KCNG1: variants seen among roughly 807,000 people sequenced by gnomAD.
The protein encoded by KCNG1 is potassium voltage-gated channel modifier subfamily G member 1, also known as voltage-gated potassium channel regulatory subunit KCNG1.
Under a neutral mutation model 32.4 loss-of-function variants are expected in KCNG1, and 17 were observed. That is an observed-to-expected ratio of 0.52 (90% CI 0.36 to 0.79). KCNG1 has a LOEUF of 0.79. KCNG1 is among the 30% of genes least tolerant of loss of function. The probability of loss-of-function intolerance (pLI) is 0.00; values close to 1 mark genes in which losing one functional copy is unlikely to be tolerated. For synonymous variants in KCNG1, 358 were observed against 339.9 expected (o/e 1.05, Z -0.59); for missense variants, 441 against 735.2 (o/e 0.60, Z 4.63).
intron 2 of KCNG1, among the ~76,000 whole-genome samples, chr20:51,008,501 A>ATT (rs35145288): frequency 0.012 from 1,874 of 149,994 alleles, 19 homozygotes; most frequent in African/African-American, 0.025. Context: ...GGCTAATTAA[A>ATT]TTTTTTTTTT....
At chr20:51,013,535 G>A (rs1988171629) in intron 1 of KCNG1, among the ~76,000 whole-genome samples, 1 of 152,036 alleles carries the variant, frequency 6.6e-6, no homozygotes, top group African/African-American at 2.4e-5. Flanking sequence ...GGAAGGGGAG[G>A]GAGGGTGTTT....
Position 51,021,148 on chromosome 20 carries a change from C to T in KCNG1, c.-27+1722G>A, listed in dbSNP as rs1988466316. Reference sequence around the variant, plus strand: ...GTCTCAGGAGAAGAACCTAGGTTGCCTCGTTTCCAGTGTGCTTGCAGTTCC... The same window carrying T: ...GTCTCAGGAGAAGAACCTAGGTTGCTTCGTTTCCAGTGTGCTTGCAGTTCC... On this transcript the variant is annotated intron_variant, in intron 1 of 2. Coordinates refer to ENST00000371571, the MANE Select transcript of KCNG1 (RefSeq NM_002237.4). 5.9e-5 allele frequency among the ~76,000 whole-genome samples: 9 copies of T among 152,354 alleles called. No homozygotes were observed. The South Asian group carries it at 1.9e-3, about 32-fold the overall frequency.
rs1568798962 is a variant in KCNG1, at chr20:51,009,722, A to G, written c.617T>C (p.Leu206Pro). The change falls in exon 2 of 3, where the codon CTG (leucine) becomes CCG (proline). Residue 206 changes from leucine (L) to proline (P), a missense_variant. Physicochemically the swap from Leu to Pro is moderately conservative, Grantham distance 98 (BLOSUM62 -3). Around this residue, in one of 6 missense-constraint regions of KCNG1, gnomAD observed 52 missense variants for 50.3 expected, o/e 1.03. Coordinates refer to ENST00000371571, the MANE Select transcript of KCNG1 (RefSeq NM_002237.4). ...SEGPAEGEGR[L>P]GRCMRRLRDM... ...GCGCAGTCGCCGCATGCAGCGCCCC[A>G]GGCGGCCCTCGCCCTCGGCCGGGCC... 1.3e-5 allele frequency: 21 copies of G among 1,605,312 alleles called. No individual in the cohort carries two copies. The highest frequency in any genetic ancestry group is 3.3e-4 in the Middle Eastern group (2 of 6,044).
rs1988015843 is a variant in KCNG1 at position 51,010,164 on chromosome 20, C to T, written c.175G>A (p.Glu59Lys). The change falls in exon 2 of 3, where the codon GAG becomes AAG. Residue 59 changes from glutamate to lysine, a missense_variant. By Grantham distance (56) the Glu-to-Lys change is moderately conservative. Coordinates refer to ENST00000371571, the MANE Select transcript of KCNG1 (RefSeq NM_002237.4). ...QDEPRQGCQP[E>K]DRRRRIIINV... ...ATGATGATCCGACGGCGGCGGTCCTCGGGCTGACAGCCCTGGCGGGGCTCA... is the reference window on the plus strand; with the variant it reads ...ATGATGATCCGACGGCGGCGGTCCTTGGGCTGACAGCCCTGGCGGGGCTCA... 1 of 1,608,762 alleles carries T rather than the reference C, an allele frequency of 6.2e-7. No homozygotes were observed. The highest frequency in any genetic ancestry group is 1.3e-5 in the African/African-American group (1 of 74,902).
chr20:51,022,306 C>T (rs1488142262), intron 1 of KCNG1, among the ~76,000 whole-genome samples: 2 of 152,220 alleles, frequency 1.3e-5, no homozygotes, highest in African/African-American at 4.8e-5. Flanking sequence ...AGGCTGAGAC[C>T]ACCACCTTCC....
intron 2 of KCNG1, chr20:51,006,021 C>G (rs1486010093): frequency 1.3e-5 from 2 of 151,994 alleles, no homozygotes; most frequent in Non-Finnish European, 2.9e-5. Flanking sequence ...GCCTCCCATA[C>G]AGAACCTCCT....
Position 51,006,495 on chromosome 20 carries a change from C to T in KCNG1, c.775-1689G>A, listed in dbSNP as rs1987831012. The T allele has an allele frequency of 2.0e-5, 3 of 152,192 alleles. No homozygotes were observed. In the South Asian group the frequency reaches 6.2e-4, roughly 32 times the overall value. 9.4% of individuals were successfully genotyped at this position (152,192 alleles called of 1,614,324 possible). ...CTTAAGAGAGGACTTTCTGCACATTCACTATGCATCGCTTCTAATCCCTTC... is the reference window on the plus strand; with the variant it reads ...CTTAAGAGAGGACTTTCTGCACATTTACTATGCATCGCTTCTAATCCCTTC... On this transcript the variant is annotated intron_variant, in intron 2 of 2. Transcript: ENST00000371571.
At chr20:51,008,311 A>G (rs1195526866) in intron 2 of KCNG1, among the ~76,000 whole-genome samples, 1 of 152,012 alleles carries the variant, frequency 6.6e-6, no homozygotes, top group Non-Finnish European at 1.5e-5. Flanking sequence ...GAGGGGAGGG[A>G]CCCAACCTCA....
Position 51,009,945 on chromosome 20 carries a change from G to A in KCNG1, c.394C>T (p.Arg132Cys), listed in dbSNP as rs1386260978. 6.2e-7 allele frequency: 1 copy of A among 1,613,868 alleles called. No individual in the cohort carries two copies. The highest frequency in any genetic ancestry group is 8.5e-7 in the Non-Finnish European group (1 of 1,179,970). The change falls in exon 2 of 3, where the codon CGC becomes TGC. Residue 132 changes from arginine to cysteine, a missense_variant. Physicochemically the swap from Arg to Cys is radical, Grantham distance 180 (BLOSUM62 -3). Around this residue, in one of 6 missense-constraint regions of KCNG1, gnomAD observed 70 missense variants for 158.4 expected, o/e 0.44. Transcript: ENST00000371571. ...CGCAGCAGCCGCAGCTTGCCCGCGC[G>A]CAGGAAGGTCAGGATAGTGCCGAAG... is the stretch of plus-strand genomic sequence containing the variant. ...GAFGTILTFLRAGKLRLLREM... is the reference protein window; with the variant it reads ...GAFGTILTFLCAGKLRLLREM...
At position 51,019,667 on chromosome 20, in the gene KCNG1, C is replaced by T. The variant is rs566005561; in HGVS notation, c.-27+3203G>A. Among the ~76,000 whole-genome samples the T allele has an allele frequency of 2.4e-4, 37 of 152,256 alleles. No individual in the cohort carries two copies. The South Asian group carries it at 7.3e-3, about 30-fold the overall frequency. On this transcript the variant is annotated intron_variant, in intron 1 of 2. Coordinates refer to ENST00000371571, the MANE Select transcript of KCNG1 (RefSeq NM_002237.4). ...TCTGCAGGCTTTGGTTTCTCTCTCT[C>T]GTACCATGCCTCTCAACCTGTGCCA...
At chr20:51,008,924 G>A (rs1260041861) in intron 2 of KCNG1, among the ~76,000 whole-genome samples, 1 of 152,192 alleles carries the variant, frequency 6.6e-6, no homozygotes, top group Non-Finnish European at 1.5e-5. Flanking sequence ...GAGATAAGAC[G>A]TAGTTGGCAC....
chr20:51,020,881 C>A (rs1988456729), intron 1 of KCNG1, among the ~76,000 whole-genome samples: 1 of 152,174 alleles, frequency 6.6e-6, no homozygotes. Context: ...CAGAGCCCAG[C>A]TGTGGGTCTG....
intron 1 of KCNG1, chr20:51,012,524 CATG>C (rs1988132085): frequency 6.6e-6 from 1 of 152,228 alleles, no homozygotes; most frequent in Non-Finnish European, 1.5e-5. Context: ...ACGAGACCAA[CATG>C]ATAAGGCGAC....
chr20:51,018,187 C>A (rs545776209), intron 1 of KCNG1, among the ~76,000 whole-genome samples: 1 of 152,284 alleles, frequency 6.6e-6, no homozygotes, highest in East Asian at 1.9e-4. Context: ...AAGGTCCAAG[C>A]CAGGCATGGC....
chr20:51,010,407 G>A, intron 1 of KCNG1, 43 bp from the exon 2 acceptor site: 1 of 1,287,404 alleles, frequency 7.8e-7, no homozygotes, highest in South Asian at 1.5e-5. Context: ...ACCACCCCTA[G>A]CTTCACCTTG....
intron 1 of KCNG1, among the ~76,000 whole-genome samples, chr20:51,021,622 C>A (rs536079411): frequency 3.0e-4 from 46 of 152,282 alleles, no homozygotes; most frequent in African/African-American, 1.1e-3. Flanking sequence ...CTCTTACTTC[C>A]CCCTGTACTT....
chr20:51,019,677 C>T (rs1988400903), intron 1 of KCNG1, among the ~76,000 whole-genome samples: 1 of 152,060 alleles, frequency 6.6e-6, no homozygotes. Context: ...CGTACCATGC[C>T]TCTCAACCTG....
chr20:51,009,657 C>A lies in KCNG1; in HGVS notation c.682G>T (p.Val228Leu). The A allele has an allele frequency of 1.2e-6, 2 of 1,605,738 alleles. No individual in the cohort carries two copies. Among genetic ancestry groups the A allele is most frequent in the Non-Finnish European group, 1.7e-6 (2 of 1,179,060 alleles). ...ERPHSGLPGK[V>L]FACLSVLFVT... ...AAGAGCACCGACAGGCAGGCGAACACCTTGCCAGGCAGCCCCGAGTGCGGC... is the reference window on the plus strand; with the variant it reads ...AAGAGCACCGACAGGCAGGCGAACAACTTGCCAGGCAGCCCCGAGTGCGGC... Residue 228 changes from valine to leucine, a missense_variant, in exon 2 of 3, where the codon GTG becomes TTG. Transcript: ENST00000371571.
chr20:51,006,061 G>C (rs1006037017), intron 2 of KCNG1: 2 of 151,960 alleles, frequency 1.3e-5, no homozygotes, highest in South Asian at 2.1e-4. Flanking sequence ...ATGGTGATGG[G>C]GGGGGTGGGT....
Sources: allele counts gnomAD v4.1 joint callset (sites outside exome capture counted in the v4.1 genomes callset), GRCh38; gene constraint gnomAD v4.1.1; regional missense constraint gnomAD v4.1.1; transcripts MANE v1.5; gene names NCBI Gene and HGNC (gene_info 2026-07-23, HGNC 2026-07-21).